The following TRARG1 variants were observed in gnomAD, a reference collection of about 807,000 sequenced individuals.
The protein encoded by TRARG1 is trafficking regulator of GLUT4 (SLC2A4) 1 (gene/pseudogene).
TRARG1 carries 16 observed loss-of-function variants against 13.3 expected under a neutral mutation model. The ratio of observed to expected loss-of-function variants is 1.20; its 90% CI spans 0.81 to 1.83. TRARG1 has a LOEUF of 1.83. Ranked by LOEUF, TRARG1 falls within the 40% of genes most tolerant of loss-of-function variation. The probability of loss-of-function intolerance (pLI) is 0.00; values close to 1 mark genes in which losing one functional copy is unlikely to be tolerated. For missense variants in TRARG1, 250 were observed against 237.4 expected (o/e 1.05, Z -0.35); for synonymous variants, 113 against 106.2 (o/e 1.06, Z -0.39).
At chr17:1,296,594 C>G (rs1006372256) in intron 2 of TRARG1, among the ~76,000 whole-genome samples, 1 of 151,818 alleles carries the variant, frequency 6.6e-6, no homozygotes, top group Non-Finnish European at 1.5e-5. Flanking sequence ...TCACTGCAAC[C>G]TCCACCTCCC....
At chr17:1,289,673 ATG>A (rs2072056722) in intron 1 of TRARG1, among the ~76,000 whole-genome samples, 1 of 149,112 alleles carries the variant, frequency 6.7e-6, no homozygotes, top group South Asian at 2.1e-4. Context: ...CCCTTTATTT[ATG>A]AGTCAGTGTT....
chr17:1,290,854 C>T (rs2072063795), intron 1 of TRARG1, among the ~76,000 whole-genome samples: 1 of 151,874 alleles, frequency 6.6e-6, no homozygotes, highest in South Asian at 2.1e-4. Flanking sequence ...GGTGGTTACC[C>T]CCACGCTGCT....
chr17:1,293,475 C>T (rs928187103), intron 1 of TRARG1, among the ~76,000 whole-genome samples: 54 of 150,328 alleles, frequency 3.6e-4, no homozygotes, highest in Non-Finnish European at 1.5e-4. Context: ...TTGATGATGT[C>T]GTGGGTTGAG....
chr17:1,289,364 C>G (rs1433112667), intron 1 of TRARG1, among the ~76,000 whole-genome samples: 18 of 14,306 alleles, frequency 1.3e-3, no homozygotes, highest in Non-Finnish European at 2.4e-3. Context: ...CATCCCCCAC[C>G]AGGTTCCCCA....
intron 1 of TRARG1, among the ~76,000 whole-genome samples, chr17:1,292,440 A>C (rs2072075758): frequency 6.6e-6 from 1 of 152,140 alleles, no homozygotes; most frequent in Admixed American, 6.5e-5. Context: ...TCATGGTATA[A>C]GGACCACCCT....
At chr17:1,281,520 A>G (rs1400960228) in intron 1 of TRARG1, among the ~76,000 whole-genome samples, 2 of 152,090 alleles carry the variant, frequency 1.3e-5, no homozygotes, top group Non-Finnish European at 2.9e-5. Context: ...TCCCCATCCC[A>G]CCAAAGCCAG....
At chr17:1,280,797 C>T (rs1191954329) in intron 1 of TRARG1, among the ~76,000 whole-genome samples, 1 of 152,192 alleles carries the variant, frequency 6.6e-6, no homozygotes. Context: ...ACGGGGGTCC[C>T]AGCGCCCATG....
chr17:1,292,371 T>A (rs2072075266), intron 1 of TRARG1, among the ~76,000 whole-genome samples: 1 of 152,148 alleles, frequency 6.6e-6, no homozygotes, highest in Non-Finnish European at 1.5e-5. Context: ...AAGGGTGTTT[T>A]GGAAATCCGT....
intron 1 of TRARG1, among the ~76,000 whole-genome samples, chr17:1,280,959 C>T (rs997223711): frequency 1.3e-4 from 20 of 152,228 alleles, no homozygotes; most frequent in Admixed American, 7.9e-4. Context: ...CTGCTCCTCC[C>T]GAGGCGTGGA....
At chr17:1,294,256 C>T (rs1015336140) in intron 1 of TRARG1, among the ~76,000 whole-genome samples, 6 of 151,974 alleles carry the variant, frequency 3.9e-5, no homozygotes, top group African/African-American at 7.3e-5. Flanking sequence ...CACCCTCATC[C>T]GTTTTAGCCG....
In TRARG1 at chr17:1,300,486, T is replaced by G. The variant is rs2072147418; in HGVS notation, c.*2222T>G. The G allele has an allele frequency of 6.6e-6, 1 of 151,586 alleles. No homozygotes were observed. The highest frequency in any genetic ancestry group is 1.5e-5 in the Non-Finnish European group (1 of 68,484). 9.4% of individuals were successfully genotyped at this position (151,586 alleles called of 1,614,324 possible). ...CACACACACACACGCTTGTTCACAC[T>G]CAGAACCCAGGACAGCCACAGCCAC... is the stretch of plus-strand genomic sequence containing the variant. On this transcript the variant is annotated 3_prime_UTR_variant, in exon 3 of 3. Transcript: ENST00000333813.
At position 1,280,055 on chromosome 17, in the gene TRARG1, C is replaced by G. The variant is rs370772243; in HGVS notation, c.54C>G (p.Ala18=). The change falls in exon 1 of 3, where the codon GCC becomes GCG. Residue 18 remains alanine (A), a synonymous_variant. Coordinates refer to ENST00000333813, the MANE Select transcript of TRARG1 (RefSeq NM_172367.3). ...EFPSAQEPGS[A]AFLDLPEMEI... ...CTTCAGCACAGGAGCCAGGCTCCGCCGCATTCCTGGACCTGCCGGAGATGG... is the reference window on the plus strand; with the variant it reads ...CTTCAGCACAGGAGCCAGGCTCCGCGGCATTCCTGGACCTGCCGGAGATGG... The G allele has an allele frequency of 1.2e-5, 19 of 1,613,322 alleles. No individual in the cohort carries two copies. In the African/African-American group the frequency reaches 2.4e-4, roughly 20 times the overall value.
chr17:1,292,860 AC>A (rs1175691063), intron 1 of TRARG1, among the ~76,000 whole-genome samples: 1 of 152,180 alleles, frequency 6.6e-6, no homozygotes, highest in African/African-American at 2.4e-5. Context: ...TTCTGTGGGC[AC>A]AGGAGCCGGG....
At chr17:1,291,187 T>G (rs2072066779) in intron 1 of TRARG1, among the ~76,000 whole-genome samples, 1 of 151,684 alleles carries the variant, frequency 6.6e-6, no homozygotes. Context: ...CTCGGCTCAC[T>G]GCAACTTCCG....
chr17:1,295,141 CTG>C (rs1299885762), intron 1 of TRARG1, among the ~76,000 whole-genome samples: 2 of 152,192 alleles, frequency 1.3e-5, no homozygotes, highest in Non-Finnish European at 2.9e-5. Flanking sequence ...CCTGGCCTGT[CTG>C]TTCTTGCCAG....
At chr17:1,294,210 G>A (rs1012810857) in intron 1 of TRARG1, among the ~76,000 whole-genome samples, 16 of 152,010 alleles carry the variant, frequency 1.1e-4, no homozygotes, top group Non-Finnish European at 1.5e-5. Context: ...CTCCTACCAA[G>A]TCATCCCGGG....
chr17:1,280,361 C>T lies in TRARG1; in HGVS notation c.360C>T (p.Asn120=). The change falls in exon 1 of 3, where the codon AAC becomes AAT. Residue 120 remains asparagine, a synonymous_variant. Coordinates refer to ENST00000333813, the MANE Select transcript of TRARG1 (RefSeq NM_172367.3). ...GCTTCTGCCCCGTCTGGCCCCTCAACCTCATCCCCCTCATCATTTCCATCA... is the reference window on the plus strand; with the variant it reads ...GCTTCTGCCCCGTCTGGCCCCTCAATCTCATCCCCCTCATCATTTCCATCA... ...VACFCPVWPL[N]LIPLIISIMS... is the part of the protein sequence containing the mutation. 6.2e-7 allele frequency: 1 copy of T among 1,604,700 alleles called. No individual in the cohort carries two copies. The highest frequency in any genetic ancestry group is 1.3e-5 in the African/African-American group (1 of 74,808).
chr17:1,281,309 G>A (rs1414388551), intron 1 of TRARG1, among the ~76,000 whole-genome samples: 5 of 152,082 alleles, frequency 3.3e-5, no homozygotes, highest in Admixed American at 3.3e-4. Flanking sequence ...ATTTCAGAGT[G>A]AGGTCAGGGG....
chr17:1,289,883 G>A (rs576294885), intron 1 of TRARG1, among the ~76,000 whole-genome samples: 3 of 152,016 alleles, frequency 2.0e-5, no homozygotes, highest in African/African-American at 7.3e-5. Context: ...CTGGAGGAAG[G>A]GCACCTCCAC....
Sources: gnomAD v4.1 joint callset for allele counts (sites outside exome capture counted in the v4.1 genomes callset) on GRCh38, gnomAD v4.1.1 for gene constraint, MANE v1.5 for transcripts, NCBI Gene and HGNC (gene_info 2026-07-23, HGNC 2026-07-21) for gene names.